The following ST6GALNAC3 variants were observed in gnomAD, a reference collection of about 807,000 sequenced individuals.
The protein encoded by ST6GALNAC3 is ST6 N-acetylgalactosaminide alpha-2,6-sialyltransferase 3.
ST6GALNAC3 carries 25 observed loss-of-function variants against 32.7 expected under a neutral mutation model. The ratio of observed to expected loss-of-function variants is 0.76; its 90% CI spans 0.56 to 1.07. The LOEUF (loss-of-function observed/expected upper bound fraction) is 1.07, where lower values mean the gene tolerates loss of function less well. Ranked by LOEUF, ST6GALNAC3 falls within the 50% of genes least tolerant of loss-of-function variation. The pLI is 0.00. For missense variants in ST6GALNAC3, 355 were observed against 382.4 expected (o/e 0.93, Z 0.60); for synonymous variants, 129 against 133.1 (o/e 0.97, Z 0.21).
intron 2 of ST6GALNAC3, among the ~76,000 whole-genome samples, chr1:76,360,561 G>GC (rs1649848305): frequency 6.6e-6 from 1 of 152,098 alleles, no homozygotes. Context: ...TACTAAATAT[G>GC]CCAGTCTATT....
chr1:76,130,349 G>T (rs974592938), intron 1 of ST6GALNAC3, among the ~76,000 whole-genome samples: 2 of 152,200 alleles, frequency 1.3e-5, no homozygotes, highest in African/African-American at 4.8e-5. Flanking sequence ...AGCCCCGTGG[G>T]CTAATTGTTC....
chr1:76,265,480 C>G (rs1403939564), intron 1 of ST6GALNAC3, among the ~76,000 whole-genome samples: 1 of 152,186 alleles, frequency 6.6e-6, no homozygotes, highest in Non-Finnish European at 1.5e-5. Context: ...ATGTCTTTCT[C>G]TCCCCAATTC....
At chr1:76,101,231 C>T (rs756102724) in intron 1 of ST6GALNAC3, among the ~76,000 whole-genome samples, 36 of 152,258 alleles carry the variant, frequency 2.4e-4, no homozygotes, top group Non-Finnish European at 2.9e-4. Flanking sequence ...TTGCCTTTTC[C>T]GGAAGGTCAT....
At chr1:76,518,839 C>T (rs1455949457) in intron 3 of ST6GALNAC3, among the ~76,000 whole-genome samples, 2 of 151,990 alleles carry the variant, frequency 1.3e-5, no homozygotes, top group African/African-American at 4.8e-5. Context: ...CCAAGGCGGG[C>T]GGATTACTGG....
intron 3 of ST6GALNAC3, among the ~76,000 whole-genome samples, chr1:76,534,414 C>T (rs315080): frequency 0.11 from 17,136 of 152,196 alleles, 1,207 homozygotes; most frequent in East Asian, 0.2. Context: ...TTTAACTCTT[C>T]GCTGTCTTCA....
chr1:76,368,641 G>T (rs1472588906), intron 2 of ST6GALNAC3, among the ~76,000 whole-genome samples: 1 of 152,120 alleles, frequency 6.6e-6, no homozygotes, highest in Non-Finnish European at 1.5e-5. Context: ...ACATAGAAGT[G>T]ACTAAATACA....
intron 2 of ST6GALNAC3, among the ~76,000 whole-genome samples, chr1:76,350,517 A>G (rs1215431069): frequency 6.6e-6 from 1 of 152,218 alleles, no homozygotes; most frequent in Non-Finnish European, 1.5e-5. Flanking sequence ...ACATTTTAAA[A>G]ACATTAGTTT....
rs572590441 is a variant in ST6GALNAC3 at position 76,209,755 on chromosome 1, C to T, written c.19-104050C>T. ...CTCAGGATGACTTATGAGGCTATGTCAGTTATTCTTTACTCAGTAGGGGAC... is the reference window on the plus strand; with the variant it reads ...CTCAGGATGACTTATGAGGCTATGTTAGTTATTCTTTACTCAGTAGGGGAC... On this transcript the variant is annotated intron_variant, in intron 1 of 4. Transcript: ENST00000328299. 7.2e-5 allele frequency among the ~76,000 whole-genome samples: 11 copies of T among 152,322 alleles called. No individual in the cohort carries two copies. In the South Asian group the frequency reaches 2.3e-3, roughly 32 times the overall value.
intron 3 of ST6GALNAC3, among the ~76,000 whole-genome samples, chr1:76,416,338 T>C (rs955627382): frequency 1.3e-5 from 2 of 152,148 alleles, no homozygotes; most frequent in African/African-American, 4.8e-5. Flanking sequence ...TGTAAAGCTA[T>C]TTTGTTTGAT....
At chr1:76,336,708 C>A (rs542337214) in intron 2 of ST6GALNAC3, among the ~76,000 whole-genome samples, 1 of 152,122 alleles carries the variant, frequency 6.6e-6, no homozygotes, top group African/African-American at 2.4e-5. Context: ...GCTGCTCTAC[C>A]CAGCACCTCT....
chr1:76,581,308 TCAGG>T lies in ST6GALNAC3; in HGVS notation c.624-46141_624-46138del, dbSNP rs1341849323. ...CTAGATACATCACTGCAGGATGGAG[TCAGG>T]CAAAGAATAATTATTGTCATTCAAG... On this transcript the variant is annotated intron_variant, in intron 3 of 4. Transcript: ENST00000328299. Among the ~76,000 whole-genome samples the T allele has an allele frequency of 2.0e-5, 3 of 152,086 alleles. No homozygotes were observed. In the East Asian group the frequency reaches 5.8e-4, roughly 29 times the overall value.
chr1:76,329,877 C>A (rs1382133532), intron 2 of ST6GALNAC3, among the ~76,000 whole-genome samples: 2 of 152,032 alleles, frequency 1.3e-5, no homozygotes, highest in Non-Finnish European at 2.9e-5. Context: ...GGTGCAATCT[C>A]TGCTCACTGC....
At chr1:76,353,552 A>T (rs747272126) in intron 2 of ST6GALNAC3, 2 of 154,660 alleles carry the variant, frequency 1.3e-5, no homozygotes, top group Non-Finnish European at 2.9e-5. Flanking sequence ...CACCTGAGAC[A>T]GGAAACAGTG....
chr1:76,226,591 G>A (rs1656084654), intron 1 of ST6GALNAC3, among the ~76,000 whole-genome samples: 1 of 152,200 alleles, frequency 6.6e-6, no homozygotes, highest in Admixed American at 6.5e-5. Flanking sequence ...ACGGGAAGCA[G>A]AGTGGCTTGT....
intron 3 of ST6GALNAC3, among the ~76,000 whole-genome samples, chr1:76,584,218 TG>T (rs1419317062): frequency 6.6e-6 from 1 of 152,220 alleles, no homozygotes; most frequent in African/African-American, 2.4e-5. Flanking sequence ...GCAGTTGGGA[TG>T]ATGTCAGATG....
intron 1 of ST6GALNAC3, among the ~76,000 whole-genome samples, chr1:76,165,095 G>C (rs1180880544): frequency 6.6e-6 from 1 of 152,130 alleles, no homozygotes; most frequent in African/African-American, 2.4e-5. Flanking sequence ...GGGGTTTGTT[G>C]TACAGATTGT....
At chr1:76,214,659 A>C (rs1655357178) in intron 1 of ST6GALNAC3, among the ~76,000 whole-genome samples, 1 of 152,238 alleles carries the variant, frequency 6.6e-6, no homozygotes, top group East Asian at 1.9e-4. Context: ...AAATATTTGC[A>C]GTTCTTGCAC....
chr1:76,477,073 C>A (rs544801301), intron 3 of ST6GALNAC3, among the ~76,000 whole-genome samples: 1 of 152,238 alleles, frequency 6.6e-6, no homozygotes, highest in Admixed American at 6.5e-5. Flanking sequence ...GGCATCTTTT[C>A]CCCCTTTACT....
At chr1:76,469,671 T>A (rs1042047255) in intron 3 of ST6GALNAC3, among the ~76,000 whole-genome samples, 2 of 152,058 alleles carry the variant, frequency 1.3e-5, no homozygotes, top group Non-Finnish European at 2.9e-5. Context: ...TAATGACAGG[T>A]AAGGCAGAGG....
Sources: allele counts gnomAD v4.1 joint callset (sites outside exome capture counted in the v4.1 genomes callset), GRCh38; gene constraint gnomAD v4.1.1; transcripts MANE v1.5; gene names NCBI Gene and HGNC (gene_info 2026-07-23, HGNC 2026-07-21).